The following EXOSC4 variants were observed in gnomAD, a reference collection of about 807,000 sequenced individuals.
EXOSC4 encodes exosome component 4, also known as exosome complex component RRP41.
Under a neutral mutation model 20.0 loss-of-function variants are expected in EXOSC4, and 14 were observed. That is an observed-to-expected ratio of 0.70 (90% CI 0.46 to 1.09). EXOSC4 has a LOEUF of 1.09. EXOSC4 is among the 50% of genes least tolerant of loss of function. The pLI, the probability that EXOSC4 is intolerant of heterozygous loss-of-function variation, is 0.00. For synonymous variants in EXOSC4, 148 were observed against 146.4 expected, an observed-to-expected ratio of 1.01 and a Z score of -0.08; for missense variants, 337 against 334.0, an observed-to-expected ratio of 1.01 and a Z score of -0.07.
rs782787594 is a variant in EXOSC4, at chr8:144,080,579, CCTCT to C, written c.717_720del (p.Ile241CysfsTer?). On this transcript the variant is annotated frameshift_variant, in exon 3 of 3. Coordinates refer to ENST00000316052, the MANE Select transcript of EXOSC4 (RefSeq NM_019037.3). LOFTEE classifies it high-confidence loss of function. The surrounding 1 kb of genome is among the most constrained non-coding windows in gnomAD (Gnocchi z 4.9). ...GTGGTCCGGCAGCATGTGCGTGAGG[CCTCT>C]ATCTTGCTGGGGGACTGACCACCCA... 11 of 1,598,712 alleles carry C rather than the reference CCTCT, an allele frequency of 6.9e-6. No individual in the cohort carries two copies. The highest frequency in any genetic ancestry group is 8.5e-6 in the Non-Finnish European group (10 of 1,179,612).
In EXOSC4 at chr8:144,080,478, G is replaced by A. The variant is rs1554763342; in HGVS notation, c.615G>A (p.Leu205=). 1.2e-6 allele frequency: 2 copies of A among 1,607,884 alleles called. No individual in the cohort carries two copies. The highest frequency in any genetic ancestry group is 1.3e-5 in the African/African-American group (1 of 75,040). Residue 205 remains leucine, a synonymous_variant, in exon 3 of 3, where the codon CTG becomes CTA. Transcript: ENST00000316052. This position sits in a 1 kb window ranked among gnomAD's most constrained non-coding sequence, Gnocchi z 4.9. ...QIALLEMDAR[L]HEDHLERVLE... Reference sequence around the variant, plus strand: ...CGCTGCTTGAGATGGATGCCCGGCTGCACGAGGACCACCTGGAGCGGGTGT... The same window carrying A: ...CGCTGCTTGAGATGGATGCCCGGCTACACGAGGACCACCTGGAGCGGGTGT...
the EXOSC4 span, among the ~76,000 whole-genome samples, chr8:144,068,078 C>A: frequency 1.3e-5 from 2 of 152,198 alleles, no homozygotes; most frequent in African/African-American, 2.4e-5. Context: ...ACGCTGGAAG[C>A]CTGAAAACCC....
intron 1 of EXOSC4, chr8:144,079,565 G>A: frequency 2.6e-6 from 1 of 378,584 alleles, no homozygotes; most frequent in Non-Finnish European, 5.1e-6. Flanking sequence ...TCCAAATCAG[G>A]TTGAGGGTTC....
chr8:144,064,478 A>C, the EXOSC4 span, among the ~76,000 whole-genome samples: 1 of 152,264 alleles, frequency 6.6e-6, no homozygotes, highest in Non-Finnish European at 1.5e-5. Flanking sequence ...AGGGCAGGCC[A>C]GGGCTACAGG....
At chr8:144,068,830 G>A in the EXOSC4 span, among the ~76,000 whole-genome samples, 2 of 152,180 alleles carry the variant, frequency 1.3e-5, no homozygotes, top group Non-Finnish European at 2.9e-5. Flanking sequence ...GGAGGGACAC[G>A]CCGAGAAGAC....
At chr8:144,070,882 T>C in the EXOSC4 span, among the ~76,000 whole-genome samples, 3 of 151,944 alleles carry the variant, frequency 2.0e-5, no homozygotes, top group South Asian at 4.1e-4. Flanking sequence ...AGGAGCCTCA[T>C]TGGCTTGGGG....
chr8:144,078,172 TG>T (rs1199062309), upstream of EXOSC4: 1 of 152,358 alleles, frequency 6.6e-6, no homozygotes, highest in Non-Finnish European at 1.5e-5. The surrounding 1 kb of genome is among the most constrained non-coding windows in gnomAD (Gnocchi z 4.7). Flanking sequence ...ATGAGAGGAC[TG>T]GAGAGGTGCC....
At chr8:144,065,211 T>C in the EXOSC4 span, among the ~76,000 whole-genome samples, 1 of 152,360 alleles carries the variant, frequency 6.6e-6, no homozygotes, top group South Asian at 2.1e-4. Flanking sequence ...TCTTACATTA[T>C]GATTATTATG....
chr8:144,077,069 C>CA (rs34195797), upstream of EXOSC4, among the ~76,000 whole-genome samples: 2,886 of 97,910 alleles, frequency 0.029, 50 homozygotes, highest in Non-Finnish European at 0.046. Flanking sequence ...ACTCCATCTC[C>CA]AAAAAAAAAA....
Position 144,078,685 on chromosome 8 carries a change from G to C in EXOSC4, c.-44G>C. The C allele has an allele frequency of 7.4e-7, 1 of 1,349,682 alleles. No individual in the cohort carries two copies. The highest frequency in any genetic ancestry group is 9.6e-7 in the Non-Finnish European group (1 of 1,043,958). The allele number at this position is 1,349,682 out of a possible 1,614,324, so 83.6% of individuals were successfully genotyped here. A position where few individuals can be genotyped will look rare whatever the true frequency, so the allele number is the denominator to read the frequency against. On this transcript the variant is annotated 5_prime_UTR_variant, in exon 1 of 3. Transcript: ENST00000316052. This position sits in a 1 kb window ranked among gnomAD's most constrained non-coding sequence, Gnocchi z 4.7. ...CCGCCGGGAGCTGTAGTTCTCCCGCGGCTCAGAGAAGTAGGCAGAGAGCGG... is the reference window on the plus strand; with the variant it reads ...CCGCCGGGAGCTGTAGTTCTCCCGCCGCTCAGAGAAGTAGGCAGAGAGCGG...
upstream of EXOSC4, among the ~76,000 whole-genome samples, chr8:144,075,182 C>T (rs1258746733): frequency 6.6e-6 from 1 of 151,974 alleles, no homozygotes; most frequent in African/African-American, 2.4e-5. Context: ...CCCACCTCCA[C>T]CTCCCAAGTA....
upstream of EXOSC4, among the ~76,000 whole-genome samples, chr8:144,075,960 CACAGGCAAGTTTG>C (rs1398828100): frequency 6.6e-6 from 1 of 152,230 alleles, no homozygotes; most frequent in Non-Finnish European, 1.5e-5. Flanking sequence ...AGCTCTTCTT[CACAGGCAAGTTTG>C]AAGAGTGGGT....
At chr8:144,079,866 G>A (rs781900093) in intron 1 of EXOSC4, 77 bp from the exon 2 acceptor site, 2 of 1,395,558 alleles carry the variant, frequency 1.4e-6, no homozygotes, top group Non-Finnish European at 2.0e-6. Flanking sequence ...AAAGTGGAGG[G>A]AGAGGCAGAC....
At chr8:144,073,472 A>C in the EXOSC4 span, among the ~76,000 whole-genome samples, 1 of 152,132 alleles carries the variant, frequency 6.6e-6, no homozygotes, top group Non-Finnish European at 1.5e-5. Flanking sequence ...CTCTGAACGC[A>C]ACTTTGCTCT....
chr8:144,071,751 A>AGGATCACT, the EXOSC4 span, among the ~76,000 whole-genome samples: 1 of 151,878 alleles, frequency 6.6e-6, no homozygotes, highest in Admixed American at 6.6e-5. Context: ...CCAAGGCGGG[A>AGGATCACT]GGATCACTTG....
At chr8:144,069,824 A>G in the EXOSC4 span, among the ~76,000 whole-genome samples, 1 of 152,258 alleles carries the variant, frequency 6.6e-6, no homozygotes, top group Non-Finnish European at 1.5e-5. Context: ...AATCACCCCA[A>G]AAACAGCAGC....
intron 1 of EXOSC4, chr8:144,079,555 T>G (rs1421772835): frequency 1.9e-5 from 7 of 372,890 alleles, no homozygotes; most frequent in African/African-American, 1.1e-4. Flanking sequence ...AGGGGATAAC[T>G]CCAAATCAGG....
chr8:144,066,917 G>A, the EXOSC4 span, among the ~76,000 whole-genome samples: 10 of 151,898 alleles, frequency 6.6e-5, no homozygotes, highest in African/African-American at 1.7e-4. Context: ...AAGAAACCCC[G>A]TCTCTATTAA....
upstream of EXOSC4, chr8:144,078,509 C>A: frequency 2.4e-6 from 1 of 419,524 alleles, no homozygotes; most frequent in East Asian, 3.7e-5. This position sits in a 1 kb window ranked among gnomAD's most constrained non-coding sequence, Gnocchi z 4.7. Context: ...AGGTCGGGGC[C>A]GCGGTGAACT....
Sources: allele counts gnomAD v4.1 joint callset (sites outside exome capture counted in the v4.1 genomes callset), GRCh38; gene constraint gnomAD v4.1.1; non-coding constraint Gnocchi (gnomAD v3.1); transcripts MANE v1.5; gene names NCBI Gene and HGNC (gene_info 2026-07-23, HGNC 2026-07-21).